GPC5: variants seen among roughly 807,000 people sequenced by gnomAD.
The protein encoded by GPC5 is glypican 5, also known as glypican-5.
GPC5 carries 47 observed loss-of-function variants against 53.9 expected under a neutral mutation model. That is an observed-to-expected ratio of 0.87 (90% CI 0.69 to 1.11). The LOEUF is 1.11. GPC5 is among the 50% of genes most tolerant of loss of function. The pLI is 0.00. For synonymous variants in GPC5, 286 were observed against 263.3 expected, an observed-to-expected ratio of 1.09 and a Z score of -0.84; for missense variants, 748 against 713.1, an observed-to-expected ratio of 1.05 and a Z score of -0.56.
chr13:91,630,917 G>A lies in GPC5; in HGVS notation c.326-62270G>A, dbSNP rs1441970701. ...ATATGTTCTTCCCTGACATTTTACA[G>A]CTTTATTCTCTTAATCCAGTAACTT... On this transcript the variant is annotated intron_variant, in intron 2 of 7. Transcript: ENST00000377067. 2.6e-5 allele frequency among the ~76,000 whole-genome samples: 4 copies of A among 152,166 alleles called. No homozygotes were observed. In the East Asian group the frequency reaches 7.7e-4, roughly 29 times the overall value.
intron 2 of GPC5, among the ~76,000 whole-genome samples, chr13:91,466,896 C>CT (rs1882274353): frequency 6.6e-6 from 1 of 152,098 alleles, no homozygotes; most frequent in African/African-American, 2.4e-5. Flanking sequence ...AGAGCACACA[C>CT]ATTCCTTCAT....
intron 7 of GPC5, among the ~76,000 whole-genome samples, chr13:92,401,500 C>G (rs1053416745): frequency 1.3e-5 from 2 of 151,918 alleles, no homozygotes; most frequent in African/African-American, 4.8e-5. Flanking sequence ...TCATGGATAA[C>G]AAAAATTTGT....
intron 7 of GPC5, among the ~76,000 whole-genome samples, chr13:92,741,478 A>ATTCTTTT (rs1446815335): frequency 6.6e-6 from 1 of 151,992 alleles, no homozygotes; most frequent in Non-Finnish European, 1.5e-5. Context: ...TAAGAAATCC[A>ATTCTTTT]TTCTTTTTCT....
intron 6 of GPC5, among the ~76,000 whole-genome samples, chr13:91,935,307 C>G (rs1299820330): frequency 2.0e-5 from 3 of 151,844 alleles, no homozygotes; most frequent in Non-Finnish European, 4.4e-5. Flanking sequence ...AATCCTAACC[C>G]CCAAAGCAAT....
intron 7 of GPC5, among the ~76,000 whole-genome samples, chr13:92,805,817 G>A (rs1477472403): frequency 6.6e-6 from 1 of 151,998 alleles, no homozygotes; most frequent in African/African-American, 2.4e-5. Context: ...CAGACATGCT[G>A]TCATACAAGC....
chr13:91,953,706 G>C (rs1420922735), intron 6 of GPC5, among the ~76,000 whole-genome samples: 1 of 152,200 alleles, frequency 6.6e-6, no homozygotes, highest in East Asian at 1.9e-4. Context: ...TGTGCTGACA[G>C]ATACTAAATC....
chr13:91,494,349 T>TTATTATTATTATTATTA (rs781772788), intron 2 of GPC5, among the ~76,000 whole-genome samples: 2 of 74,346 alleles, frequency 2.7e-5, no homozygotes, highest in African/African-American at 9.6e-5. Context: ...TATTATTATT[T>TTATTATTATTATTATTA]TTATTAATTA....
chr13:92,267,145 C>T (rs2139149818), intron 7 of GPC5, among the ~76,000 whole-genome samples: 1 of 152,034 alleles, frequency 6.6e-6, no homozygotes, highest in African/African-American at 2.4e-5. Context: ...TAAAATATTG[C>T]CTAGCTTAAA....
chr13:91,939,040 A>G (rs903026427), intron 6 of GPC5, among the ~76,000 whole-genome samples: 1 of 152,102 alleles, frequency 6.6e-6, no homozygotes, highest in Non-Finnish European at 1.5e-5. Context: ...TTAGGAGTTA[A>G]GTAAAAATAT....
Position 92,782,430 on chromosome 13 carries a change from A to G in GPC5, c.1562-83852A>G, listed in dbSNP as rs74484934. On this transcript the variant is annotated intron_variant, in intron 7 of 7. Transcript: ENST00000377067. ...GAGAACGTAGAGGGATATGATCATG[A>G]GAACAAGGGACTGGATAGTGGCACA... is the stretch of plus-strand genomic sequence containing the variant. 6.6e-3 allele frequency among the ~76,000 whole-genome samples: 1,005 copies of G among 152,294 alleles called. 14 individuals carry two copies. Among genetic ancestry groups the G allele is most frequent in the African/African-American group, 0.023 (954 of 41,552 alleles).
chr13:92,477,050 A>AAAATAAAT (rs139711160), intron 7 of GPC5, among the ~76,000 whole-genome samples: 59 of 149,584 alleles, frequency 3.9e-4, no homozygotes, highest in African/African-American at 9.9e-4. Flanking sequence ...ATAATAATAA[A>AAAATAAAT]AAATAAATAA....
intron 2 of GPC5, among the ~76,000 whole-genome samples, chr13:91,667,274 T>C (rs1328961096): frequency 5.0e-4 from 76 of 152,346 alleles, no homozygotes; most frequent in Non-Finnish European, 4.4e-5. Context: ...CATTTAACTA[T>C]ATTAACTGAC....
chr13:91,978,767 G>C (rs542510981), intron 6 of GPC5, among the ~76,000 whole-genome samples: 1 of 152,302 alleles, frequency 6.6e-6, no homozygotes, highest in Non-Finnish European at 1.5e-5. Flanking sequence ...TTAATAAAAA[G>C]ATTATCTGAT....
intron 7 of GPC5, among the ~76,000 whole-genome samples, chr13:92,615,829 T>C (rs1390193592): frequency 6.6e-6 from 1 of 151,690 alleles, no homozygotes; most frequent in East Asian, 1.9e-4. Context: ...CCGAGGCGGG[T>C]GGATCACGAG....
intron 5 of GPC5, among the ~76,000 whole-genome samples, chr13:91,811,797 TAAGAAGCTCC>T (rs2038315902): frequency 6.6e-6 from 1 of 152,188 alleles, no homozygotes; most frequent in African/African-American, 2.4e-5. Context: ...ATAATCCAAA[TAAGAAGCTCC>T]AAAATGTTGG....
In GPC5 at chr13:92,428,558, T is replaced by C. The variant is rs144644877; in HGVS notation, c.1561+283569T>C. Among the ~76,000 whole-genome samples, 31 of 152,240 alleles carry C rather than the reference T, an allele frequency of 2.0e-4. No individual in the cohort carries two copies. The South Asian group carries it at 3.3e-3, about 16-fold the overall frequency. ...TGTCTGATCATTGTTGGCTCAAATA[T>C]ATCTTGCTCAGAGAAACTGAGTTTG... is the stretch of plus-strand genomic sequence containing the variant. On this transcript the variant is annotated intron_variant, in intron 7 of 7. Coordinates refer to ENST00000377067, the MANE Select transcript of GPC5 (RefSeq NM_004466.6).
chr13:91,594,830 A>G (rs968149182), intron 2 of GPC5, among the ~76,000 whole-genome samples: 1 of 151,402 alleles, frequency 6.6e-6, no homozygotes, highest in Non-Finnish European at 1.5e-5. Context: ...AGGGCATACC[A>G]CCATCTAGCT....
chr13:91,655,675 T>C, intron 2 of GPC5, among the ~76,000 whole-genome samples: 1 of 152,060 alleles, frequency 6.6e-6, no homozygotes, highest in Non-Finnish European at 1.5e-5. Context: ...GGATACACAA[T>C]ATCGATAAGA....
At chr13:92,311,302 G>A (rs1405515616) in intron 7 of GPC5, among the ~76,000 whole-genome samples, 1 of 152,210 alleles carries the variant, frequency 6.6e-6, no homozygotes, top group Non-Finnish European at 1.5e-5. Flanking sequence ...AAAGAGCAGT[G>A]AAGATGGCTC....
Sources: gnomAD v4.1 joint callset for allele counts (sites outside exome capture counted in the v4.1 genomes callset) on GRCh38, gnomAD v4.1.1 for gene constraint, MANE v1.5 for transcripts, NCBI Gene and HGNC (gene_info 2026-07-23, HGNC 2026-07-21) for gene names.